Variants in FBXL5 observed in about 807,000 individuals in gnomAD.
FBXL5 encodes F-box/LRR-repeat protein 5.
Under a neutral mutation model 78.3 loss-of-function variants are expected in FBXL5, and 26 were observed. The observed-to-expected ratio is 0.33, with a 90% CI of 0.24 to 0.46. The LOEUF (loss-of-function observed/expected upper bound fraction) is 0.46, where lower values mean the gene tolerates loss of function less well. Ranked by LOEUF, FBXL5 falls within the 20% of genes least tolerant of loss-of-function variation. The probability of loss-of-function intolerance (pLI) is 1.00; values close to 1 mark genes in which losing one functional copy is unlikely to be tolerated. For synonymous variants in FBXL5, 295 were observed against 282.5 expected, an observed-to-expected ratio of 1.04 and a Z score of -0.45; for missense variants, 710 against 829.2, an observed-to-expected ratio of 0.86 and a Z score of 1.77.
chr4:15,668,115 ATT>A (rs1451473153), intron 1 of FBXL5, among the ~76,000 whole-genome samples: 2 of 152,020 alleles, frequency 1.3e-5, no homozygotes, highest in Non-Finnish European at 2.9e-5. Flanking sequence ...AACAATTAAA[ATT>A]TTGGTTAATA....
intron 1 of FBXL5, among the ~76,000 whole-genome samples, chr4:15,669,825 TA>T (rs1717688558): frequency 6.6e-6 from 1 of 152,224 alleles, no homozygotes; most frequent in African/African-American, 2.4e-5. Context: ...ATTTTACTGA[TA>T]TTTTCAGCAT....
chr4:15,636,640 T>C lies in FBXL5; in HGVS notation c.620A>G (p.His207Arg). The change falls in exon 5 of 11, where the codon CAT becomes CGT. Residue 207 changes from histidine to arginine, a missense_variant. Transcript: ENST00000341285. Reference sequence around the variant, plus strand: ...TGACAGCATTACCTCAGGAGGAAGATGGGTTATACCTGTGGAGTGTTCTGA... The same window carrying C: ...TGACAGCATTACCTCAGGAGGAAGACGGGTTATACCTGTGGAGTGTTCTGA... ...EVSEHSTGIT[H>R]LPPEVMLSIF... 6.2e-7 allele frequency: 1 copy of C among 1,613,936 alleles called. No homozygotes were observed. The highest frequency in any genetic ancestry group is 1.1e-5 in the South Asian group (1 of 91,064).
chr4:15,635,330 C>CAA (rs779796352), intron 5 of FBXL5, among the ~76,000 whole-genome samples: 1 of 100,936 alleles, frequency 9.9e-6, no homozygotes, highest in Non-Finnish European at 2.1e-5. Flanking sequence ...AACCCCATCT[C>CAA]AAAAAAAAAA....
Position 15,605,622 on chromosome 4 carries a change from C to G in FBXL5, c.*101G>C. 2 of 952,874 alleles carry G rather than the reference C, an allele frequency of 2.1e-6. No individual in the cohort carries two copies. The highest frequency in any genetic ancestry group is 3.2e-6 in the Non-Finnish European group (2 of 616,492). The allele number at this position is 952,874 out of a possible 1,614,324, so 59.0% of individuals were successfully genotyped here. A position where few individuals can be genotyped will look rare whatever the true frequency, so the allele number is the denominator to read the frequency against. Reference sequence around the variant, plus strand: ...AGAAATGGGGCCAAAACAAGTCACGCTCAAAAAGGGATGGTTAACACAAGA... The same window carrying G: ...AGAAATGGGGCCAAAACAAGTCACGGTCAAAAAGGGATGGTTAACACAAGA... On this transcript the variant is annotated 3_prime_UTR_variant, in exon 11 of 11. Coordinates refer to ENST00000341285, the MANE Select transcript of FBXL5 (RefSeq NM_012161.4).
At chr4:15,660,617 T>A (rs1273226138), upstream of FBXL5, among the ~76,000 whole-genome samples, 1 of 152,252 alleles carries the variant, frequency 6.6e-6, no homozygotes, top group East Asian at 1.9e-4. Context: ...TTGGCCATTC[T>A]GGAGCCTTCA....
upstream of FBXL5, among the ~76,000 whole-genome samples, chr4:15,663,603 T>G (rs1281100300): frequency 1.3e-5 from 2 of 152,218 alleles, no homozygotes; most frequent in Non-Finnish European, 2.9e-5. Context: ...CACTCATCTG[T>G]GAAATGGAAA....
upstream of FBXL5, chr4:15,659,911 T>C (rs1290277956): frequency 6.4e-6 from 1 of 155,652 alleles, no homozygotes; most frequent in Non-Finnish European, 1.4e-5. Context: ...AGTGAGAAAG[T>C]ATCACAAGTT....
intron 7 of FBXL5, among the ~76,000 whole-genome samples, chr4:15,627,382 C>G (rs541238758): frequency 6.6e-6 from 1 of 152,124 alleles, no homozygotes; most frequent in Non-Finnish European, 1.5e-5. Context: ...ATCCACCCAC[C>G]TCGGTCTCCC....
At chr4:15,651,351 T>A (rs891204416) in intron 1 of FBXL5, among the ~76,000 whole-genome samples, 5 of 152,222 alleles carry the variant, frequency 3.3e-5, no homozygotes, top group Non-Finnish European at 7.3e-5. Context: ...AATTACTAAT[T>A]GAATGAGTTG....
At chr4:15,617,292 A>G (rs951960012) in intron 9 of FBXL5, among the ~76,000 whole-genome samples, 3 of 152,260 alleles carry the variant, frequency 2.0e-5, no homozygotes, top group African/African-American at 7.2e-5. Flanking sequence ...CTGTAATCCC[A>G]GCACTTCGGG....
At chr4:15,645,451 A>G (rs7683000) in intron 1 of FBXL5, among the ~76,000 whole-genome samples, 26,087 of 151,782 alleles carry the variant, frequency 0.17, 2,312 homozygotes, top group East Asian at 0.25. Flanking sequence ...TTTTTGAGAC[A>G]GAGTCTTGCT....
intron 6 of FBXL5, 142 bp from the exon 7 acceptor site, chr4:15,628,175 G>A (rs556860252): frequency 1.7e-5 from 14 of 836,364 alleles, no homozygotes; most frequent in South Asian, 1.4e-4. Flanking sequence ...TTTAGGCAAT[G>A]AAAAGGTTTT....
chr4:15,608,579 G>A (rs1722037990), intron 10 of FBXL5, among the ~76,000 whole-genome samples: 1 of 150,912 alleles, frequency 6.6e-6, no homozygotes, highest in Non-Finnish European at 1.5e-5. Flanking sequence ...TCAGTGAGTA[G>A]ACACATTTTA....
At chr4:15,679,761 C>T (rs1718137604) in intron 1 of FBXL5, among the ~76,000 whole-genome samples, 1 of 149,550 alleles carries the variant, frequency 6.7e-6, no homozygotes, top group Non-Finnish European at 1.5e-5. Flanking sequence ...TCTTTCCAAT[C>T]CCCCTAAAAA....
chr4:15,627,429 G>A (rs536831267), intron 7 of FBXL5, among the ~76,000 whole-genome samples: 16 of 152,118 alleles, frequency 1.1e-4, no homozygotes, highest in Middle Eastern at 3.4e-3. Context: ...CACCGCACCC[G>A]CCCAAGTATC....
At chr4:15,639,768 T>C (rs1220502736) in intron 3 of FBXL5, among the ~76,000 whole-genome samples, 2 of 152,238 alleles carry the variant, frequency 1.3e-5, no homozygotes, top group African/African-American at 4.8e-5. Flanking sequence ...TTAACTCTGA[T>C]GTAATTTGTC....
At chr4:15,677,820 G>C (rs1419094744) in intron 1 of FBXL5, among the ~76,000 whole-genome samples, 2 of 152,188 alleles carry the variant, frequency 1.3e-5, no homozygotes, top group Non-Finnish European at 2.9e-5. Context: ...TGGGGAGTAG[G>C]TCATGGGAAT....
intron 1 of FBXL5, among the ~76,000 whole-genome samples, chr4:15,666,939 G>T (rs1226468217): frequency 1.3e-5 from 2 of 151,220 alleles, no homozygotes; most frequent in Non-Finnish European, 2.9e-5. Flanking sequence ...ATTCCACATT[G>T]TAGACATATA....
At chr4:15,669,069 A>G (rs1717658725) in intron 1 of FBXL5, among the ~76,000 whole-genome samples, 1 of 152,218 alleles carries the variant, frequency 6.6e-6, no homozygotes, top group Non-Finnish European at 1.5e-5. Context: ...CATGTTGTTT[A>G]AATATAACCT....
Sources: allele counts gnomAD v4.1 joint callset (sites outside exome capture counted in the v4.1 genomes callset), GRCh38; gene constraint gnomAD v4.1.1; transcripts MANE v1.5; gene names NCBI Gene and HGNC (gene_info 2026-07-23, HGNC 2026-07-21).